Variants in ZNF148 observed in about 807,000 individuals in gnomAD.
ZNF148 encodes Beta-Enolase Repressor Factor-1.
Under a neutral mutation model 67.7 loss-of-function variants are expected in ZNF148, and 7 were observed. The observed-to-expected ratio is 0.10, with a 90% confidence interval of 0.06 to 0.19. The LOEUF is 0.19. Ranked by LOEUF, ZNF148 falls within the 10% of genes least tolerant of loss-of-function variation. ZNF148 has a pLI of 1.00. For missense variants in ZNF148, 583 were observed against 947.1 expected (o/e 0.62, Z 5.05); for synonymous variants, 333 against 330.7 (o/e 1.01, Z -0.08).
chr3:125,366,064 GCTAT>G (rs1942692950), intron 1 of ZNF148, among the ~76,000 whole-genome samples: 1 of 152,176 alleles, frequency 6.6e-6, no homozygotes, highest in Non-Finnish European at 1.5e-5. Context: ...GCTATTGCCA[GCTAT>G]CTAATATACG....
chr3:125,249,009 C>A (rs1301548982), intron 7 of ZNF148, among the ~76,000 whole-genome samples: 1 of 152,092 alleles, frequency 6.6e-6, no homozygotes, highest in East Asian at 1.9e-4. Context: ...TATTCTTGTA[C>A]ACCATACACG....
intron 4 of ZNF148, among the ~76,000 whole-genome samples, chr3:125,298,652 TCTCA>T (rs1237772942): frequency 7.2e-6 from 1 of 138,124 alleles, no homozygotes; most frequent in Non-Finnish European, 1.5e-5. Flanking sequence ...TGAGACAGAG[TCTCA>T]CTCTGTCGCC....
Position 125,322,027 on chromosome 3 carries a change from C to CTTTTTTT in ZNF148, c.-17+1275_-17+1281dup, listed in dbSNP as rs35879999. Among the ~76,000 whole-genome samples the CTTTTTTT allele has an allele frequency of 1.4e-4, 12 of 82,922 alleles. 1 individual carries two copies. The highest frequency in any genetic ancestry group is 1.9e-4 in the Non-Finnish European group (9 of 46,886). The allele number at this position is 82,922 out of a possible 152,430, so 54.4% of individuals were successfully genotyped here. A position where few individuals can be genotyped will look rare whatever the true frequency, so the allele number is the denominator to read the frequency against. ...AGTTAACTGTTTAAATAATCAACGG[C>CTTTTTTT]TTTTTTTTTTTTTTTTTTTTTTGAG... is the stretch of plus-strand genomic sequence containing the variant. On this transcript the variant is annotated intron_variant, in intron 3 of 8. Transcript: ENST00000360647.
intron 1 of ZNF148, among the ~76,000 whole-genome samples, chr3:125,372,725 T>C (rs1213064151): frequency 1.3e-5 from 2 of 152,126 alleles, no homozygotes; most frequent in Non-Finnish European, 2.9e-5. Flanking sequence ...CCCAGCACTT[T>C]GGAGGCCAAG....
intron 1 of ZNF148, among the ~76,000 whole-genome samples, chr3:125,359,089 A>G (rs1194581596): frequency 6.6e-6 from 1 of 152,240 alleles, no homozygotes; most frequent in East Asian, 1.9e-4. Context: ...GGCACATCCT[A>G]AAAACAACTC....
At chr3:125,353,891 T>G (rs570402748) in intron 1 of ZNF148, among the ~76,000 whole-genome samples, 2 of 151,966 alleles carry the variant, frequency 1.3e-5, no homozygotes, top group African/African-American at 2.4e-5. Context: ...CTGGGCAACA[T>G]AGCAAGACCC....
intron 1 of ZNF148, among the ~76,000 whole-genome samples, chr3:125,361,743 G>C (rs1942548196): frequency 6.6e-6 from 1 of 151,760 alleles, no homozygotes; most frequent in African/African-American, 2.4e-5. Context: ...TGAGGCAGGA[G>C]AATCACTTGA....
chr3:125,235,439 C>G (rs972017183), intron 7 of ZNF148, among the ~76,000 whole-genome samples: 5 of 152,294 alleles, frequency 3.3e-5, no homozygotes, highest in South Asian at 2.1e-4. Context: ...ATTCACGCTG[C>G]TCCTTCGATT....
intron 1 of ZNF148, among the ~76,000 whole-genome samples, chr3:125,336,612 T>C (rs1941502781): frequency 6.6e-6 from 1 of 151,668 alleles, no homozygotes; most frequent in African/African-American, 2.4e-5. Context: ...AGTATATTTT[T>C]TATAACCATA....
At chr3:125,305,251 G>T (rs909833899) in intron 4 of ZNF148, among the ~76,000 whole-genome samples, 2 of 152,140 alleles carry the variant, frequency 1.3e-5, no homozygotes, top group Admixed American at 6.5e-5. Context: ...CAATATTCCT[G>T]CCAAAGATGC....
intron 7 of ZNF148, among the ~76,000 whole-genome samples, chr3:125,269,205 CAAAAAAAAAA>C (rs71148173): frequency 2.1e-5 from 2 of 96,872 alleles, no homozygotes; most frequent in Admixed American, 1.2e-4. Flanking sequence ...CGGTCTCTAC[CAAAAAAAAAA>C]AAAAAAAAAG....
rs370249547 is a variant in ZNF148, at chr3:125,233,060, G to A, written c.1666C>T (p.His556Tyr). ...DHYSHKANGQ[H>Y]EISFSVADTE... ...TCTGCAACACTGAAGGATATCTCAT[G>A]CTGTCCATTAGCTTTGTGGGAATAA... Residue 556 changes from histidine to tyrosine, a missense_variant, in exon 9 of 9, where the codon CAT becomes TAT. This residue lies in a region of ZNF148 where 172 missense variants were observed against 307.7 expected (regional missense o/e 0.56). Transcript: ENST00000360647. This position sits in a 1 kb window ranked among gnomAD's most constrained non-coding sequence, Gnocchi z 5.1. 3 of 1,613,296 alleles carry A rather than the reference G, an allele frequency of 1.9e-6. No individual in the cohort carries two copies. The highest frequency in any genetic ancestry group is 2.5e-6 in the Non-Finnish European group (3 of 1,179,868).
At chr3:125,318,895 T>C (rs2071488178) in intron 3 of ZNF148, among the ~76,000 whole-genome samples, 1 of 152,116 alleles carries the variant, frequency 6.6e-6, no homozygotes, top group Admixed American at 6.6e-5. Context: ...CATGATTTAT[T>C]CTTCCCTCAT....
intron 1 of ZNF148, among the ~76,000 whole-genome samples, chr3:125,340,684 A>G (rs1022024176): frequency 2.6e-5 from 4 of 152,182 alleles, no homozygotes; most frequent in Non-Finnish European, 5.9e-5. Context: ...CTCCTAAGGT[A>G]ACAGATAAAA....
intron 4 of ZNF148, among the ~76,000 whole-genome samples, chr3:125,304,413 G>T (rs926039317): frequency 7.2e-5 from 11 of 152,140 alleles, no homozygotes; most frequent in Non-Finnish European, 1.5e-4. Flanking sequence ...GCCATAAGGA[G>T]GGGGTCTGCT....
Position 125,284,913 on chromosome 3 carries a change from C to CAAA in ZNF148, c.459+3187_459+3189dup, listed in dbSNP as rs11420317. 2.7e-3 allele frequency among the ~76,000 whole-genome samples: 360 copies of CAAA among 131,394 alleles called. 2 individuals are homozygous for CAAA. The highest frequency in any genetic ancestry group is 8.4e-3 in the African/African-American group (303 of 35,992). The allele number at this position is 131,394 out of a possible 152,430, so 86.2% of individuals were successfully genotyped here. A position where few individuals can be genotyped will look rare whatever the true frequency, so the allele number is the denominator to read the frequency against. On this transcript the variant is annotated intron_variant, in intron 5 of 8. Coordinates refer to ENST00000360647, the MANE Select transcript of ZNF148 (RefSeq NM_021964.3). ...GCTTTCCCATTGCATTTAAGTTTTC[C>CAAA]AAAAAAAAAAAAAAAAGACTCAGCT...
chr3:125,329,448 G>A (rs546837908), intron 2 of ZNF148, among the ~76,000 whole-genome samples: 54 of 148,800 alleles, frequency 3.6e-4, no homozygotes, highest in African/African-American at 1.3e-3. Context: ...CGCAACCTCC[G>A]CCTCCTGGGT....
intron 7 of ZNF148, among the ~76,000 whole-genome samples, chr3:125,244,791 C>A (rs1311390238): frequency 6.6e-6 from 1 of 152,182 alleles, no homozygotes; most frequent in East Asian, 1.9e-4. Flanking sequence ...AGCCATCGCA[C>A]CTGGCCCAGA....
In ZNF148 at chr3:125,230,248, C is replaced by T. The variant is rs1455870464; in HGVS notation, c.*2093G>A. On this transcript the variant is annotated 3_prime_UTR_variant, in exon 9 of 9. Transcript: ENST00000360647. Reference sequence around the variant, plus strand: ...AAACAACTCAAGAAATAAATGCCTACTCTCACCAAAAGAGAAAAATACCAA... The same window carrying T: ...AAACAACTCAAGAAATAAATGCCTATTCTCACCAAAAGAGAAAAATACCAA... The T allele has an allele frequency of 6.6e-6, 1 of 152,556 alleles. No homozygotes were observed. The highest frequency in any genetic ancestry group is 2.4e-5 in the African/African-American group (1 of 41,438). The allele number at this position is 152,556 out of a possible 1,614,324, so 9.5% of individuals were successfully genotyped here.
Sources: allele counts gnomAD v4.1 joint callset (sites outside exome capture counted in the v4.1 genomes callset), GRCh38; gene constraint gnomAD v4.1.1; regional missense constraint gnomAD v4.1.1; non-coding constraint Gnocchi (gnomAD v3.1); transcripts MANE v1.5; gene names NCBI Gene and HGNC (gene_info 2026-07-23, HGNC 2026-07-21).